ZC3H12B: variants seen among roughly 807,000 people sequenced by gnomAD.
The protein encoded by ZC3H12B is probable ribonuclease ZC3H12B.
Under a neutral mutation model 43.9 loss-of-function variants are expected in ZC3H12B, and 7 were observed. The observed-to-expected ratio is 0.16, with a 90% CI of 0.09 to 0.30. The LOEUF is 0.30. Ranked by LOEUF, ZC3H12B falls within the 10% of genes least tolerant of loss-of-function variation. ZC3H12B has a pLI of 1.00. For synonymous variants in ZC3H12B, 222 were observed against 241.7 expected, an observed-to-expected ratio of 0.92 and a Z score of 0.76; for missense variants, 475 against 670.2, an observed-to-expected ratio of 0.71 and a Z score of 3.22.
chrX:65,185,093 T>A, the ZC3H12B span: 1 of 111,715 alleles, frequency 9.0e-6, no homozygotes, highest in Non-Finnish European at 1.9e-5. Context: ...TCAGCTAGTT[T>A]CTCAACAGCT....
chrX:65,254,465 A>T, the ZC3H12B span, among the ~76,000 whole-genome samples: 1 of 112,392 alleles, frequency 8.9e-6, no homozygotes, highest in African/African-American at 3.2e-5. Flanking sequence ...TCTGATAAAC[A>T]CTTCCAGAAA....
intron 2 of ZC3H12B, among the ~76,000 whole-genome samples, chrX:65,382,133 G>C (rs1210760852): frequency 9.0e-6 from 1 of 111,192 alleles, no homozygotes; most frequent in African/African-American, 3.3e-5. Context: ...ACCAAAGCCG[G>C]GCAGAGACAC....
At chrX:65,182,344 A>G in the ZC3H12B span, among the ~76,000 whole-genome samples, 7 of 111,189 alleles carry the variant, frequency 6.3e-5, no homozygotes, top group African/African-American at 2.3e-4. Context: ...GGTGTAGCAA[A>G]CCACCATAGC....
chrX:65,379,682 C>G (rs761669225), intron 2 of ZC3H12B, among the ~76,000 whole-genome samples: 1 of 111,869 alleles, frequency 8.9e-6, no homozygotes, highest in Non-Finnish European at 1.9e-5. Flanking sequence ...ACATTCAAAC[C>G]AAACGCAAAG....
the ZC3H12B span, chrX:65,186,515 G>C: frequency 9.3e-6 from 1 of 107,559 alleles, no homozygotes; most frequent in South Asian, 4.1e-4. Flanking sequence ...AAAGTGTCAG[G>C]AAAATAGCTT....
chrX:65,387,142 T>A (rs930608459), intron 2 of ZC3H12B, among the ~76,000 whole-genome samples: 5 of 111,772 alleles, frequency 4.5e-5, no homozygotes, highest in African/African-American at 1.6e-4. Context: ...GGTGGAGAGT[T>A]CTGTAGATGT....
chrX:65,240,517 C>T, the ZC3H12B span, among the ~76,000 whole-genome samples: 13 of 111,620 alleles, frequency 1.2e-4, no homozygotes, highest in Non-Finnish European at 3.8e-5. Flanking sequence ...GAACATGCTT[C>T]TTTAGCTCAG....
intron 1 of ZC3H12B, among the ~76,000 whole-genome samples, chrX:65,494,179 G>A (rs994346732): frequency 1.8e-5 from 2 of 110,317 alleles, no homozygotes; most frequent in Non-Finnish European, 3.8e-5. Flanking sequence ...GGATTTTGGA[G>A]TTTTTTTTCT....
intron 3 of ZC3H12B, among the ~76,000 whole-genome samples, chrX:65,416,625 CAAAA>C (rs56857046): frequency 4.5e-5 from 4 of 88,306 alleles, no homozygotes; most frequent in Admixed American, 1.3e-4. Flanking sequence ...ACTAAAAATA[CAAAA>C]AAAAAAAAAA....
intron 3 of ZC3H12B, among the ~76,000 whole-genome samples, chrX:65,426,392 C>CAAAA (rs58910748): frequency 4.7e-5 from 2 of 42,182 alleles, no homozygotes; most frequent in African/African-American, 6.8e-5. Context: ...TAATTATTTC[C>CAAAA]AAAAAAAAAA....
intron 3 of ZC3H12B, 145 bp downstream of exon 8, chrX:65,499,378 C>T: frequency 4.4e-6 from 2 of 457,904 alleles, no homozygotes; most frequent in South Asian, 4.0e-5. Flanking sequence ...AAAGGACTCA[C>T]CCTTAAGAGA....
At chrX:65,132,618 C>T in the ZC3H12B span, among the ~76,000 whole-genome samples, 4 of 110,908 alleles carry the variant, frequency 3.6e-5, no homozygotes, top group Non-Finnish European at 7.6e-5. Flanking sequence ...TAAAATGTCT[C>T]TACCTAATAA....
the ZC3H12B span, among the ~76,000 whole-genome samples, chrX:65,212,659 T>A: frequency 1.1e-5 from 1 of 88,856 alleles, no homozygotes; most frequent in Non-Finnish European, 2.1e-5. Flanking sequence ...TCATATATTA[T>A]ATATAAATAT....
At chrX:65,459,126 C>T (rs917479645) in intron 3 of ZC3H12B, among the ~76,000 whole-genome samples, 2 of 111,796 alleles carry the variant, frequency 1.8e-5, no homozygotes, top group Admixed American at 1.9e-4. Flanking sequence ...GGATAAATTC[C>T]TCGACACATA....
intron 3 of ZC3H12B, among the ~76,000 whole-genome samples, chrX:65,474,645 G>A (rs143016327): frequency 0.016 from 1,799 of 109,128 alleles, 38 homozygotes; most frequent in African/African-American, 0.056. Context: ...GAGTCTCGCT[G>A]TGTTGCTCAG....
the ZC3H12B span, among the ~76,000 whole-genome samples, chrX:65,139,337 G>A: frequency 8.9e-6 from 1 of 112,115 alleles, no homozygotes; most frequent in African/African-American, 3.2e-5. Context: ...ACCATTTATG[G>A]AGGAGATTTT....
chrX:65,241,595 T>C, the ZC3H12B span, among the ~76,000 whole-genome samples: 1 of 112,703 alleles, frequency 8.9e-6, no homozygotes, highest in Non-Finnish European at 1.9e-5. Flanking sequence ...CTGGCCATGA[T>C]CTGGCACAGC....
the ZC3H12B span, among the ~76,000 whole-genome samples, chrX:65,118,566 C>G: frequency 9.0e-6 from 1 of 111,198 alleles, no homozygotes. Flanking sequence ...CTTTCTCCTG[C>G]CTGATTGCCT....
chrX:65,385,307 T>C (rs1329899930), intron 2 of ZC3H12B, among the ~76,000 whole-genome samples: 1 of 112,152 alleles, frequency 8.9e-6, no homozygotes, highest in Non-Finnish European at 1.9e-5. Flanking sequence ...CATTTGTTTG[T>C]GTCCTCTTTT....
Sources: gnomAD v4.1 joint callset for allele counts (sites outside exome capture counted in the v4.1 genomes callset) on GRCh38, gnomAD v4.1.1 for gene constraint, MANE v1.5 for transcripts, NCBI Gene and HGNC (gene_info 2026-07-23, HGNC 2026-07-21) for gene names.